TCF4: variants seen among roughly 807,000 people sequenced by gnomAD.
TCF4 encodes transcription factor 4, also known as SL3-3 enhancer factor 2.
In TCF4, 3 loss-of-function variants were observed where a neutral mutation model predicts 82.1. The observed-to-expected ratio is 0.04, with a 90% CI of 0.02 to 0.09. The LOEUF (loss-of-function observed/expected upper bound fraction) is 0.09. TCF4 is among the 10% of genes least tolerant of loss of function. The probability of loss-of-function intolerance (pLI) is 1.00; values close to 1 mark genes in which losing one functional copy is unlikely to be tolerated. For synonymous variants in TCF4, 276 were observed against 309.6 expected (o/e 0.89, Z 1.14); for missense variants, 518 against 852.7 (o/e 0.61, Z 4.89).
At chr18:55,546,714 A>G (rs1263131672) in intron 3 of TCF4, 4 of 152,252 alleles carry the variant, frequency 2.6e-5, no homozygotes, top group Non-Finnish European at 5.9e-5. Flanking sequence ...ATCAGCAACC[A>G]AAAGTAGGTG....
chr18:55,597,822 C>T (rs920745820), intron 2 of TCF4, among the ~76,000 whole-genome samples: 3 of 152,082 alleles, frequency 2.0e-5, no homozygotes, highest in Admixed American at 2.0e-4. Flanking sequence ...AAAAGCTGCC[C>T]TCCAACCCCC....
intron 6 of TCF4, chr18:55,351,713 G>T: frequency 2.4e-6 from 1 of 420,590 alleles, no homozygotes; most frequent in Non-Finnish European, 3.2e-6. Context: ...ATCACAGTGT[G>T]ACAATTATTA....
chr18:55,422,542 T>G (rs891349591), intron 5 of TCF4: 2 of 846,896 alleles, frequency 2.4e-6, no homozygotes, highest in African/African-American at 3.7e-5. Context: ...ATCACATGTT[T>G]CCTATGATGG....
intron 8 of TCF4, among the ~76,000 whole-genome samples, chr18:55,333,176 AC>A (rs1448319312): frequency 6.6e-6 from 1 of 152,194 alleles, no homozygotes; most frequent in Non-Finnish European, 1.5e-5. Flanking sequence ...TATCAAAGAG[AC>A]ACCTGGTAGC....
chr18:55,441,603 C>G (rs1038458699), intron 5 of TCF4, among the ~76,000 whole-genome samples: 1 of 152,082 alleles, frequency 6.6e-6, no homozygotes, highest in Non-Finnish European at 1.5e-5. Flanking sequence ...AATAGAACAG[C>G]TTGAGCTAGA....
chr18:55,348,405 T>C (rs777296453), intron 8 of TCF4, among the ~76,000 whole-genome samples: 4 of 152,128 alleles, frequency 2.6e-5, no homozygotes, highest in Non-Finnish European at 4.4e-5. Flanking sequence ...TTAGTCAAGA[T>C]AAATCTTCTA....
At chr18:55,277,787 A>G (rs1227549594) in intron 9 of TCF4, among the ~76,000 whole-genome samples, 2 of 152,140 alleles carry the variant, frequency 1.3e-5, no homozygotes. Context: ...CCTTCCGTCA[A>G]TGTTTTCAAT....
intron 8 of TCF4, among the ~76,000 whole-genome samples, chr18:55,301,788 TAA>T (rs10652622): frequency 5.0e-4 from 28 of 56,310 alleles, no homozygotes; most frequent in South Asian, 1.4e-3. Flanking sequence ...CCAAAAACTG[TAA>T]AAAAAAAAAA....
In TCF4 at chr18:55,503,409, G is replaced by C. The variant is rs576088189; in HGVS notation, c.146-39272C>G. Among the ~76,000 whole-genome samples, 24 of 152,182 alleles carry C rather than the reference G, an allele frequency of 1.6e-4. No homozygotes were observed. In the South Asian group the frequency reaches 4.8e-3, roughly 30 times the overall value. ...TAGCCATCTTCTACACTTATGAACA[G>C]AATTTTCACATATTATTTCATTCAT... is the stretch of plus-strand genomic sequence containing the variant. On this transcript the variant is annotated intron_variant, in intron 3 of 19. Transcript: ENST00000354452.
chr18:55,437,699 T>C (rs1387237952), intron 5 of TCF4, among the ~76,000 whole-genome samples: 3 of 152,160 alleles, frequency 2.0e-5, no homozygotes, highest in Non-Finnish European at 4.4e-5. Context: ...AAACACAGAA[T>C]CTCACAGACG....
chr18:55,353,509 A>G (rs757329570), intron 6 of TCF4, among the ~76,000 whole-genome samples: 8 of 152,176 alleles, frequency 5.3e-5, no homozygotes, highest in Admixed American at 2.0e-4. Context: ...CTTGGACAAT[A>G]GAATCATTCT....
chr18:55,563,238 C>CAAAA (rs74182105), intron 3 of TCF4, among the ~76,000 whole-genome samples: 1 of 68,144 alleles, frequency 1.5e-5, no homozygotes, highest in South Asian at 5.7e-4. Context: ...GACCCTGTCT[C>CAAAA]AAAAAAAAAA....
chr18:55,349,197 C>CT (rs2081827313), intron 8 of TCF4, among the ~76,000 whole-genome samples: 2 of 152,194 alleles, frequency 1.3e-5, no homozygotes, highest in Non-Finnish European at 1.5e-5. Context: ...TGTGATGCTT[C>CT]TTCAACATCA....
At chr18:55,314,186 G>A (rs1250146512) in intron 8 of TCF4, among the ~76,000 whole-genome samples, 2 of 152,066 alleles carry the variant, frequency 1.3e-5, no homozygotes, top group Non-Finnish European at 2.9e-5. Flanking sequence ...AACTACACTT[G>A]TTACACATTT....
intron 3 of TCF4, among the ~76,000 whole-genome samples, chr18:55,582,871 G>A (rs184431764): frequency 2.7e-3 from 417 of 152,112 alleles, no homozygotes; most frequent in African/African-American, 9.3e-3. Context: ...ATTAACTTGA[G>A]GTAAATTTAG....
chr18:55,300,170 T>C (rs2067758019), intron 8 of TCF4, among the ~76,000 whole-genome samples: 1 of 152,128 alleles, frequency 6.6e-6, no homozygotes. Flanking sequence ...ATCATTTCGA[T>C]GTTTAACAAT....
intron 3 of TCF4, among the ~76,000 whole-genome samples, chr18:55,475,301 G>A (rs976032130): frequency 2.6e-5 from 4 of 152,046 alleles, no homozygotes; most frequent in Admixed American, 6.5e-5. Context: ...TCTCAATTTG[G>A]GAGGATCAGA....
intron 3 of TCF4, among the ~76,000 whole-genome samples, chr18:55,545,026 T>C (rs991392577): frequency 1.1e-4 from 16 of 152,210 alleles, no homozygotes; most frequent in African/African-American, 3.6e-4. Flanking sequence ...ACAGTAGTGA[T>C]TGCACACAGA....
At chr18:55,282,058 A>G (rs2062726974) in intron 8 of TCF4, among the ~76,000 whole-genome samples, 1 of 152,040 alleles carries the variant, frequency 6.6e-6, no homozygotes, top group Non-Finnish European at 1.5e-5. Context: ...TACATATTTT[A>G]TACATTTTCT....
Sources: gnomAD v4.1 joint callset for allele counts (sites outside exome capture counted in the v4.1 genomes callset) on GRCh38, gnomAD v4.1.1 for gene constraint, MANE v1.5 for transcripts, NCBI Gene and HGNC (gene_info 2026-07-23, HGNC 2026-07-21) for gene names.